The following SYTL2 variants were observed in gnomAD, a reference collection of about 807,000 sequenced individuals.
The protein encoded by SYTL2 is synaptotagmin-like protein 2.
Under a neutral mutation model 198.7 loss-of-function variants are expected in SYTL2, and 165 were observed. The observed-to-expected ratio is 0.83, with a 90% confidence interval of 0.73 to 0.94. The LOEUF (loss-of-function observed/expected upper bound fraction) is 0.94. Ranked by LOEUF, SYTL2 falls within the 40% of genes least tolerant of loss-of-function variation. The pLI, the probability that SYTL2 is intolerant of heterozygous loss-of-function variation, is 0.00. For synonymous variants in SYTL2, 966 were observed against 917.7 expected, an observed-to-expected ratio of 1.05 and a Z score of -0.95; for missense variants, 2,835 against 2,582.8, an observed-to-expected ratio of 1.10 and a Z score of -2.12.
chr11:85,822,013 A>G, the SYTL2 span, among the ~76,000 whole-genome samples: 2 of 152,240 alleles, frequency 1.3e-5, no homozygotes, highest in Non-Finnish European at 2.9e-5. Context: ...AGGTGCTCAA[A>G]GACTCATTTA....
At chr11:85,700,749 C>CT (rs2084171512) in intron 16 of SYTL2, 156 bp from the exon 17 acceptor site, 1 of 579,114 alleles carries the variant, frequency 1.7e-6, no homozygotes, top group Admixed American at 3.3e-5. Context: ...CAGAACTAGA[C>CT]TGTTGCCTTA....
At chr11:85,770,352 T>A (rs1055192372) in intron 1 of SYTL2, among the ~76,000 whole-genome samples, 1 of 152,168 alleles carries the variant, frequency 6.6e-6, no homozygotes, top group Admixed American at 6.5e-5. Context: ...TGTAGGCGGA[T>A]GTAATTTTCT....
At chr11:85,816,789 CTGTGGTCCCAGCTACTCAG>C in the SYTL2 span, among the ~76,000 whole-genome samples, 1 of 151,966 alleles carries the variant, frequency 6.6e-6, no homozygotes, top group Non-Finnish European at 1.5e-5. Flanking sequence ...TGGCACATGC[CTGTGGTCCCAGCTACTCAG>C]GAGACTGAGG....
the SYTL2 span, among the ~76,000 whole-genome samples, chr11:85,833,098 A>AGAAG: frequency 0.016 from 507 of 32,494 alleles, 34 homozygotes; most frequent in East Asian, 0.03. Context: ...AAAGAAAGAA[A>AGAAG]GAAGGAAGGA....
At chr11:85,814,196 T>G (rs1195257955), upstream of SYTL2, among the ~76,000 whole-genome samples, 1 of 152,198 alleles carries the variant, frequency 6.6e-6, no homozygotes, top group Non-Finnish European at 1.5e-5. Flanking sequence ...TTGGAAAGAA[T>G]AATCTCCATG....
chr11:85,827,151 T>C, the SYTL2 span, among the ~76,000 whole-genome samples: 1 of 152,190 alleles, frequency 6.6e-6, no homozygotes, highest in African/African-American at 2.4e-5. Flanking sequence ...AATGTGATCT[T>C]ACTCAGATCC....
At chr11:85,773,167 G>T (rs181252535) in intron 1 of SYTL2, among the ~76,000 whole-genome samples, 95 of 152,118 alleles carry the variant, frequency 6.2e-4, no homozygotes, top group African/African-American at 2.2e-3. Flanking sequence ...AAAACAAGAG[G>T]GCTCAGTTCT....
intron 8 of SYTL2, 60 bp downstream of exon 8, chr11:85,723,972 C>A: frequency 2.0e-6 from 2 of 988,342 alleles, no homozygotes; most frequent in Non-Finnish European, 2.8e-6. Flanking sequence ...AAAAATCATC[C>A]TTTACATCAG....
chr11:85,745,806 T>C lies in SYTL2; in HGVS notation c.254-34A>G, dbSNP rs2304343. ...GGAAACAGTAAAGACAGGAAGGTTA[T>C]CTCTCACCTCCATGACCTACAACTC... On this transcript the variant is annotated intron_variant, in intron 3 of 19. Transcript: ENST00000359152. The C allele has an allele frequency of 2.5e-6, 4 of 1,586,636 alleles. No homozygotes were observed. In the South Asian group the frequency reaches 3.4e-5, roughly 13 times the overall value.
chr11:85,697,571 T>C (rs1466714500), intron 18 of SYTL2, among the ~76,000 whole-genome samples: 1 of 152,218 alleles, frequency 6.6e-6, no homozygotes, highest in Non-Finnish European at 1.5e-5. Flanking sequence ...ATCTGCAGTC[T>C]CATACAATGA....
At chr11:85,723,617 G>A (rs2088675356) in intron 8 of SYTL2, among the ~76,000 whole-genome samples, 1 of 152,132 alleles carries the variant, frequency 6.6e-6, no homozygotes, top group South Asian at 2.1e-4. Flanking sequence ...TAGCTTAAAT[G>A]TATTAAAGGT....
intron 2 of SYTL2, among the ~76,000 whole-genome samples, chr11:85,752,337 T>A (rs1307355375): frequency 6.6e-6 from 1 of 152,098 alleles, no homozygotes; most frequent in Non-Finnish European, 1.5e-5. Context: ...ACAAATGACC[T>A]CACTTTCTAG....
chr11:85,772,668 G>C (rs532831505), intron 1 of SYTL2, among the ~76,000 whole-genome samples: 1 of 152,286 alleles, frequency 6.6e-6, no homozygotes, highest in East Asian at 1.9e-4. Flanking sequence ...CCCAGCCCCA[G>C]TTTTGTTTTC....
intron 1 of SYTL2, among the ~76,000 whole-genome samples, chr11:85,803,706 T>C (rs1474219249): frequency 6.6e-6 from 1 of 152,152 alleles, no homozygotes; most frequent in East Asian, 1.9e-4. Context: ...CAATACTGGG[T>C]TGTGAAAAGA....
rs61740626 is a variant in SYTL2, at chr11:85,709,395, G to T, written c.5851C>A (p.His1951Asn). 6.2e-7 allele frequency: 1 copy of T among 1,614,076 alleles called. No homozygotes were observed. Among genetic ancestry groups the T allele is most frequent in the Admixed American group, 1.7e-5 (1 of 60,026 alleles). ...TCCTTACACTGGGCCACAAAAACAT[G>T]CAACTCCTTCAGTGACTCCACATAT... ...IEYVESLKEL[H>N]VFVAQCKDLA... The change falls in exon 14 of 20, where the codon CAT becomes AAT. Residue 1951 changes from histidine to asparagine, a missense_variant. Coordinates refer to ENST00000359152, the MANE Select transcript of SYTL2 (RefSeq NM_206927.4).
the SYTL2 span, among the ~76,000 whole-genome samples, chr11:85,837,104 A>T: frequency 6.6e-6 from 1 of 152,218 alleles, no homozygotes; most frequent in African/African-American, 2.4e-5. Context: ...CTAACATTCC[A>T]TTTACAGAAT....
intron 18 of SYTL2, among the ~76,000 whole-genome samples, chr11:85,696,994 C>G (rs572002591): frequency 1.3e-5 from 2 of 152,134 alleles, no homozygotes; most frequent in Admixed American, 1.3e-4. Context: ...TTTAACCTAC[C>G]ATGCCTCTTG....
intron 1 of SYTL2, among the ~76,000 whole-genome samples, chr11:85,794,708 A>T (rs1440415537): frequency 1.3e-5 from 2 of 152,168 alleles, no homozygotes; most frequent in East Asian, 3.9e-4. Context: ...AGGAAAAAAA[A>T]TCATTATATT....
intron 4 of SYTL2, among the ~76,000 whole-genome samples, chr11:85,744,723 TC>T (rs2091031221): frequency 6.6e-6 from 1 of 152,182 alleles, no homozygotes; most frequent in African/African-American, 2.4e-5. Context: ...AGTAAATTCA[TC>T]AACTTCATCC....
Sources: gnomAD v4.1 joint callset for allele counts (sites outside exome capture counted in the v4.1 genomes callset) on GRCh38, gnomAD v4.1.1 for gene constraint, MANE v1.5 for transcripts, NCBI Gene and HGNC (gene_info 2026-07-23, HGNC 2026-07-21) for gene names.